The following THRA variants were observed in gnomAD, a reference collection of about 807,000 sequenced individuals.
THRA encodes the protein EAR-7.
A neutral mutation model predicts 45.0 loss-of-function variants in THRA; 13 were observed. The ratio of observed to expected loss-of-function variants is 0.29; its 90% confidence interval spans 0.19 to 0.46. The LOEUF is 0.46. Ranked by LOEUF, THRA falls within the 20% of genes least tolerant of loss-of-function variation. The probability of loss-of-function intolerance (pLI) is 1.00; values close to 1 mark genes in which losing one functional copy is unlikely to be tolerated. For synonymous variants in THRA, 195 were observed against 214.0 expected (o/e 0.91, Z 0.78); for missense variants, 278 against 556.1 (o/e 0.50, Z 5.03).
At chr17:40,063,830 C>T (rs1000565941) in intron 1 of THRA, among the ~76,000 whole-genome samples, 1 of 151,970 alleles carries the variant, frequency 6.6e-6, no homozygotes, top group African/African-American at 2.4e-5. Context: ...GGTGCCCCTT[C>T]TCCATCTGGG....
intron 4 of THRA, among the ~76,000 whole-genome samples, chr17:40,082,990 C>T (rs1436241041): frequency 1.3e-4 from 19 of 149,540 alleles, no homozygotes; most frequent in South Asian, 8.5e-4. Flanking sequence ...TGCAGTGGCG[C>T]GATCTTGGCT....
intron 3 of THRA, 53 bp from the exon 4 acceptor site, chr17:40,077,455 C>T: frequency 2.0e-6 from 3 of 1,526,834 alleles, no homozygotes; most frequent in Non-Finnish European, 2.7e-6. Flanking sequence ...GAGAGCCTCT[C>T]TGCTGGGACT....
chr17:40,077,138 C>A (rs75534088), intron 3 of THRA, among the ~76,000 whole-genome samples, 200 bp downstream of exon 3: 2,985 of 152,178 alleles, frequency 0.02, 110 homozygotes, highest in African/African-American at 0.068. Context: ...TAGGTCAGGA[C>A]GGCCTCTTCC....
rs758627642 is a variant in THRA at position 40,088,520 on chromosome 17, G to A, written c.982+20G>A. ...CAACAGGTACCTGCTGATTAGTCGGGAGGGCTCAGAAGCTTCCAGGGGTCC... is the reference window on the plus strand; with the variant it reads ...CAACAGGTACCTGCTGATTAGTCGGAAGGGCTCAGAAGCTTCCAGGGGTCC... On this transcript the variant is annotated intron_variant, in intron 8 of 8. Transcript: ENST00000450525. The A allele has an allele frequency of 1.3e-6, 2 of 1,597,944 alleles. No homozygotes were observed. The highest frequency in any genetic ancestry group is 1.7e-6 in the Non-Finnish European group (2 of 1,168,620).
intron 2 of THRA, 125 bp downstream of exon 2, chr17:40,074,666 C>T (rs1424625704): frequency 5.1e-6 from 5 of 984,710 alleles, no homozygotes; most frequent in Admixed American, 4.1e-5. Context: ...AGCAAGCCTT[C>T]TGCCTACCTT....
intron 1 of THRA, among the ~76,000 whole-genome samples, chr17:40,066,368 A>G (rs1986563703): frequency 6.6e-6 from 1 of 152,198 alleles, no homozygotes; most frequent in African/African-American, 2.4e-5. Flanking sequence ...GCTGGATGAA[A>G]GAACAAGGCA....
intron 4 of THRA, among the ~76,000 whole-genome samples, chr17:40,082,128 TATATG>T (rs1987157548): frequency 6.6e-6 from 1 of 151,754 alleles, no homozygotes; most frequent in Admixed American, 6.6e-5. Context: ...ACAGGCAACA[TATATG>T]AGAATGGTTT....
intron 4 of THRA, among the ~76,000 whole-genome samples, chr17:40,080,760 T>C (rs1987109868): frequency 6.7e-6 from 1 of 148,634 alleles, no homozygotes; most frequent in South Asian, 2.2e-4. Context: ...TCTCACTCTG[T>C]CACCCAGGCT....
At position 40,089,180 on chromosome 17, in the gene THRA, C is replaced by A; in HGVS notation, c.983-26C>A. 1 of 1,609,726 alleles carries A rather than the reference C, an allele frequency of 6.2e-7. No homozygotes were observed. Among genetic ancestry groups the A allele is most frequent in the Non-Finnish European group, 8.5e-7 (1 of 1,177,318 alleles). ...CTCCAGGCCTTCGGCCAGCCCCTCG[C>A]CCCTCACGCCCCTCTTCCCTCACAG... is the stretch of plus-strand genomic sequence containing the variant. On this transcript the variant is annotated intron_variant, in intron 8 of 8. Coordinates refer to ENST00000450525, the MANE Select transcript of THRA (RefSeq NM_199334.5). The surrounding 1 kb of genome is among the most constrained non-coding windows in gnomAD (Gnocchi z 6.1).
At chr17:40,093,677 C>T, downstream of THRA, 1 of 635,752 alleles carries the variant, frequency 1.6e-6, no homozygotes, top group Admixed American at 2.9e-5. The surrounding 1 kb of genome is among the most constrained non-coding windows in gnomAD (Gnocchi z 5.9). Flanking sequence ...CCAGCTCCCC[C>T]AGGCAGAAAT....
intron 6 of THRA, 89 bp from the exon 7 acceptor site, chr17:40,086,618 G>T: frequency 6.5e-7 from 1 of 1,531,966 alleles, no homozygotes. Flanking sequence ...TCCCCAAGCT[G>T]CCTTGGAGCT....
At chr17:40,069,470 G>A (rs1313358916) in intron 1 of THRA, among the ~76,000 whole-genome samples, 1 of 151,978 alleles carries the variant, frequency 6.6e-6, no homozygotes, top group Non-Finnish European at 1.5e-5. Context: ...ATGAGGGAGT[G>A]AGGAGGGAGG....
rs1987499136 is a variant in THRA, at chr17:40,090,689, A to G, written c.*1233A>G. The G allele has an allele frequency of 6.6e-6, 1 of 151,964 alleles. No individual in the cohort carries two copies. Among genetic ancestry groups the G allele is most frequent in the South Asian group, 2.1e-4 (1 of 4,806 alleles). 9.4% of individuals were successfully genotyped at this position (151,964 alleles called of 1,614,324 possible). ...CTGCCCTCCTCCCCAGCTCCTACTC[A>G]CTGCACTAACTCTGGGCGGGCAGGT... On this transcript the variant is annotated 3_prime_UTR_variant, in exon 9 of 9. Transcript: ENST00000450525.
chr17:40,078,482 A>G (rs987349145), intron 4 of THRA, among the ~76,000 whole-genome samples: 1 of 152,196 alleles, frequency 6.6e-6, no homozygotes, highest in Admixed American at 6.5e-5. Context: ...TTCTGTCTCA[A>G]AGTAAAATAA....
chr17:40,089,703 T>C lies in THRA; in HGVS notation c.*247T>C. The stretch of plus-strand genomic sequence containing the variant: ...GTGGGAGGCTGGGGGAGCTGTGTCC[T>C]GCAGTTCCCAGGACCCCATCCTCTC... On this transcript the variant is annotated 3_prime_UTR_variant, in exon 9 of 9. Coordinates refer to ENST00000450525, the MANE Select transcript of THRA (RefSeq NM_199334.5). The surrounding 1 kb of genome is among the most constrained non-coding windows in gnomAD (Gnocchi z 6.1). 3 of 1,364,806 alleles carry C rather than the reference T, an allele frequency of 2.2e-6. No homozygotes were observed. Among genetic ancestry groups the C allele is most frequent in the Non-Finnish European group, 2.8e-6 (3 of 1,055,136 alleles). The allele number at this position is 1,364,806 out of a possible 1,614,324, so 84.5% of individuals were successfully genotyped here.
chr17:40,081,912 G>A (rs1398597606), intron 4 of THRA, among the ~76,000 whole-genome samples: 3 of 151,776 alleles, frequency 2.0e-5, no homozygotes, highest in African/African-American at 7.3e-5. Context: ...GCAGTAAGCT[G>A]AGATCACACC....
At chr17:40,080,243 A>C (rs1305766376) in intron 4 of THRA, among the ~76,000 whole-genome samples, 1 of 152,048 alleles carries the variant, frequency 6.6e-6, no homozygotes, top group Non-Finnish European at 1.5e-5. Flanking sequence ...ATACAAAAAA[A>C]TTTTTAAAGT....
intron 1 of THRA, among the ~76,000 whole-genome samples, chr17:40,065,985 A>G (rs945007477): frequency 6.6e-6 from 1 of 152,198 alleles, no homozygotes; most frequent in Non-Finnish European, 1.5e-5. Context: ...AGTTGGGTCC[A>G]CTGCAGGGCT....
At chr17:40,084,462 C>A in intron 5 of THRA, 148 bp from the exon 6 acceptor site, 1 of 825,694 alleles carries the variant, frequency 1.2e-6, no homozygotes, top group Non-Finnish European at 2.0e-6. Context: ...GGTTGTGCTG[C>A]CCAACTGCTA....
Sources: allele counts gnomAD v4.1 joint callset (sites outside exome capture counted in the v4.1 genomes callset), GRCh38; gene constraint gnomAD v4.1.1; non-coding constraint Gnocchi (gnomAD v3.1); transcripts MANE v1.5; gene names NCBI Gene and HGNC (gene_info 2026-07-23, HGNC 2026-07-21).